The following GPR39 variants were observed in gnomAD, a reference collection of about 807,000 sequenced individuals.
GPR39 encodes the protein G protein-coupled receptor 39.
GPR39 carries 23 observed loss-of-function variants against 18.4 expected under a neutral mutation model. That is an observed-to-expected ratio of 1.25 (90% CI 0.90 to 1.77). GPR39 has a LOEUF of 1.77. Ranked by LOEUF, GPR39 falls within the 40% of genes most tolerant of loss-of-function variation. GPR39 has a pLI of 0.00. For synonymous variants in GPR39, 280 were observed against 257.9 expected, an observed-to-expected ratio of 1.09 and a Z score of -0.82; for missense variants, 647 against 602.4, an observed-to-expected ratio of 1.07 and a Z score of -0.78.
chr2:132,639,005 C>T (rs552714811), intron 1 of GPR39, among the ~76,000 whole-genome samples: 1 of 152,234 alleles, frequency 6.6e-6, no homozygotes, highest in Non-Finnish European at 1.5e-5. Flanking sequence ...CTGCCCTTTT[C>T]CAGGCTGACT....
intron 1 of GPR39, among the ~76,000 whole-genome samples, chr2:132,420,848 C>T (rs1679995416): frequency 6.6e-6 from 1 of 152,152 alleles, no homozygotes; most frequent in South Asian, 2.1e-4. Context: ...ACATTGGGAA[C>T]TCTGGGAGAG....
intron 1 of GPR39, among the ~76,000 whole-genome samples, chr2:132,595,503 G>A (rs1230433603): frequency 1.3e-5 from 2 of 152,140 alleles, no homozygotes; most frequent in African/African-American, 4.8e-5. Context: ...TTGGAGGTGT[G>A]TAGAAGACCT....
At chr2:132,555,407 G>A (rs566535467) in intron 1 of GPR39, among the ~76,000 whole-genome samples, 1 of 152,222 alleles carries the variant, frequency 6.6e-6, no homozygotes, top group Non-Finnish European at 1.5e-5. Flanking sequence ...TCAGAAGTCA[G>A]TGTGGGCCGC....
At chr2:132,532,697 A>G (rs1187478589) in intron 1 of GPR39, among the ~76,000 whole-genome samples, 1 of 152,240 alleles carries the variant, frequency 6.6e-6, no homozygotes, top group Non-Finnish European at 1.5e-5. Context: ...CAACATACGA[A>G]AATCAATAAA....
At chr2:132,450,094 T>C (rs1441466720) in intron 1 of GPR39, among the ~76,000 whole-genome samples, 2 of 152,212 alleles carry the variant, frequency 1.3e-5, no homozygotes, top group African/African-American at 4.8e-5. Flanking sequence ...CCTTTGTCTG[T>C]TCCAATATAC....
At chr2:132,510,651 T>A (rs1679222923) in intron 1 of GPR39, among the ~76,000 whole-genome samples, 3 of 152,210 alleles carry the variant, frequency 2.0e-5, no homozygotes, top group Admixed American at 6.5e-5. Flanking sequence ...ACCCAGAGAA[T>A]AGTCCTGAAA....
At chr2:132,435,117 G>A (rs763405549) in intron 1 of GPR39, among the ~76,000 whole-genome samples, 1 of 152,040 alleles carries the variant, frequency 6.6e-6, no homozygotes, top group Non-Finnish European at 1.5e-5. Context: ...TAAAGCAAAC[G>A]GTGAAAGAAG....
chr2:132,569,792 C>T (rs1434796466), intron 1 of GPR39, among the ~76,000 whole-genome samples: 2 of 152,064 alleles, frequency 1.3e-5, no homozygotes, highest in African/African-American at 4.8e-5. Flanking sequence ...TCAGGTCTTT[C>T]CTGTGCTATT....
chr2:132,502,584 C>T (rs748149767), intron 1 of GPR39, among the ~76,000 whole-genome samples: 67 of 152,260 alleles, frequency 4.4e-4, no homozygotes, highest in Non-Finnish European at 4.7e-4. Flanking sequence ...CCCAAGTGTT[C>T]TTTGGGCGTC....
intron 1 of GPR39, among the ~76,000 whole-genome samples, chr2:132,565,686 T>A (rs1296283928): frequency 3.5e-3 from 453 of 129,296 alleles, no homozygotes; most frequent in Admixed American, 4.6e-3. Context: ...TTACTGAGAA[T>A]GATGATTTCC....
chr2:132,643,462 C>T (rs138965625), intron 1 of GPR39, among the ~76,000 whole-genome samples: 2 of 152,182 alleles, frequency 1.3e-5, no homozygotes, highest in Non-Finnish European at 2.9e-5. Flanking sequence ...CAGGCCAGTG[C>T]ATACAGGAGG....
intron 1 of GPR39, among the ~76,000 whole-genome samples, chr2:132,452,720 A>G (rs984161570): frequency 4.0e-5 from 6 of 151,488 alleles, no homozygotes; most frequent in Non-Finnish European, 7.4e-5. Context: ...GAGTGAGAAC[A>G]TGCGGTGTTT....
chr2:132,614,456 G>GTGA (rs1230980261), intron 1 of GPR39, among the ~76,000 whole-genome samples: 2 of 151,864 alleles, frequency 1.3e-5, no homozygotes, highest in Non-Finnish European at 2.9e-5. Flanking sequence ...TCTTGACCTC[G>GTGA]TCTTGATCTC....
chr2:132,623,590 C>A (rs988293763), intron 1 of GPR39, among the ~76,000 whole-genome samples: 2 of 152,192 alleles, frequency 1.3e-5, no homozygotes, highest in Admixed American at 6.5e-5. Flanking sequence ...GCATTCAGAG[C>A]CCCAGTCCGG....
chr2:132,555,659 A>G (rs1421113400), intron 1 of GPR39, among the ~76,000 whole-genome samples: 8 of 152,148 alleles, frequency 5.3e-5, no homozygotes, highest in Non-Finnish European at 4.4e-5. Context: ...TGAGTCCTCT[A>G]TTGGTCATAT....
chr2:132,476,756 C>T (rs1007563087), intron 1 of GPR39, among the ~76,000 whole-genome samples: 2 of 151,414 alleles, frequency 1.3e-5, no homozygotes, highest in Non-Finnish European at 2.9e-5. Context: ...GATGCTTTAT[C>T]AAGCTGGCCA....
intron 1 of GPR39, among the ~76,000 whole-genome samples, chr2:132,610,764 GAGA>G (rs1427150165): frequency 7.9e-6 from 1 of 127,144 alleles, no homozygotes; most frequent in African/African-American, 3.2e-5. Context: ...GCAACAGAGC[GAGA>G]CTCTGTCTCC....
At chr2:132,617,509 CTT>C (rs1558860377) in intron 1 of GPR39, among the ~76,000 whole-genome samples, 1 of 152,052 alleles carries the variant, frequency 6.6e-6, no homozygotes, top group Non-Finnish European at 1.5e-5. Flanking sequence ...ATATTAATAA[CTT>C]TATTTTTTAT....
At chr2:132,452,698 A>T (rs917161793) in intron 1 of GPR39, among the ~76,000 whole-genome samples, 1 of 151,446 alleles carries the variant, frequency 6.6e-6, no homozygotes, top group Non-Finnish European at 1.5e-5. Flanking sequence ...TCTTTGTTCA[A>T]TTCCCACCTA....
Sources: gnomAD v4.1 joint callset for allele counts (sites outside exome capture counted in the v4.1 genomes callset) on GRCh38, gnomAD v4.1.1 for gene constraint, MANE v1.5 for transcripts, NCBI Gene and HGNC (gene_info 2026-07-23, HGNC 2026-07-21) for gene names.